Variants in RAB31 observed in about 807,000 individuals in gnomAD.
RAB31 encodes the protein ras-related protein Rab-31.
In RAB31, 21 loss-of-function variants were observed where a neutral mutation model predicts 25.6. The ratio of observed to expected loss-of-function variants is 0.82; its 90% CI spans 0.58 to 1.18. RAB31 has a LOEUF of 1.18. Among genes scored for constraint, RAB31 ranks in the 50% most tolerant of loss-of-function variants. The probability of loss-of-function intolerance (pLI) is 0.00; values close to 1 mark genes in which losing one functional copy is unlikely to be tolerated. For missense variants in RAB31, 196 were observed against 250.1 expected (o/e 0.78, Z 1.46); for synonymous variants, 87 against 84.0 (o/e 1.04, Z -0.20).
intron 1 of RAB31, chr18:9,726,215 T>A (rs190544385): frequency 6.6e-6 from 1 of 152,226 alleles, no homozygotes; most frequent in Non-Finnish European, 1.5e-5. Context: ...GCACTATAAA[T>A]TGGGTTCAGG....
chr18:9,804,987 T>C (rs1485056522), intron 3 of RAB31, among the ~76,000 whole-genome samples: 2 of 152,232 alleles, frequency 1.3e-5, no homozygotes, highest in African/African-American at 4.8e-5. Flanking sequence ...GAAATGGGTC[T>C]CATGCCTGTG....
chr18:9,724,951 T>C (rs548742133), intron 1 of RAB31, among the ~76,000 whole-genome samples: 8 of 152,336 alleles, frequency 5.3e-5, no homozygotes, highest in Admixed American at 6.5e-5. Context: ...TGGTTAGTTA[T>C]CTGAAGGCTT....
At chr18:9,842,659 C>T (rs1455922882) in intron 5 of RAB31, among the ~76,000 whole-genome samples, 1 of 152,182 alleles carries the variant, frequency 6.6e-6, no homozygotes, top group African/African-American at 2.4e-5. Context: ...CCCACCCCAA[C>T]TGCAGTGCAT....
chr18:9,858,275 A>C (rs914140180), intron 6 of RAB31, among the ~76,000 whole-genome samples: 1 of 152,238 alleles, frequency 6.6e-6, no homozygotes, highest in African/African-American at 2.4e-5. Flanking sequence ...CGACCATTAC[A>C]TCAAATTCAC....
rs1209862325 is a variant in RAB31, at chr18:9,815,198, A to G, written c.356A>G (p.Asn119Ser). ...PENIVMAIAG[N>S]KCDLSDIREV... ...AACATTGTAATGGCCATCGCTGGAA[A>G]CAAGTGCGACCTCTCAGATATTAGG... Residue 119 changes from asparagine to serine, a missense_variant, in exon 5 of 7, where the codon AAC becomes AGC. Physicochemically the swap from Asn to Ser is conservative, Grantham distance 46. Coordinates refer to ENST00000578921, the MANE Select transcript of RAB31 (RefSeq NM_006868.4). 1.9e-6 allele frequency: 3 copies of G among 1,553,322 alleles called. No individual in the cohort carries two copies. The highest frequency in any genetic ancestry group is 1.7e-4 in the Middle Eastern group (1 of 5,998).
chr18:9,812,505 A>C (rs2068578085), intron 3 of RAB31, among the ~76,000 whole-genome samples: 1 of 151,944 alleles, frequency 6.6e-6, no homozygotes, highest in Non-Finnish European at 1.5e-5. Flanking sequence ...ATCTTTTTAC[A>C]ATTTAATAAT....
intron 1 of RAB31, among the ~76,000 whole-genome samples, chr18:9,773,489 T>C (rs1251415442): frequency 5.3e-5 from 8 of 152,106 alleles, no homozygotes; most frequent in Admixed American, 1.3e-4. Flanking sequence ...CGGCGATCGG[T>C]GTTGATAAAG....
At chr18:9,805,584 C>A (rs1031066345) in intron 3 of RAB31, among the ~76,000 whole-genome samples, 10 of 152,266 alleles carry the variant, frequency 6.6e-5, no homozygotes, top group African/African-American at 2.4e-4. Flanking sequence ...CCTATTCCAC[C>A]TCCCATGTAA....
At chr18:9,802,462 C>T (rs1184683861) in intron 3 of RAB31, among the ~76,000 whole-genome samples, 1 of 152,128 alleles carries the variant, frequency 6.6e-6, no homozygotes, top group Non-Finnish European at 1.5e-5. Context: ...ATAGCTTGAG[C>T]CCAGGAGTTC....
At chr18:9,761,266 A>G (rs991076825) in intron 1 of RAB31, among the ~76,000 whole-genome samples, 1 of 152,192 alleles carries the variant, frequency 6.6e-6, no homozygotes, top group African/African-American at 2.4e-5. Context: ...TCATAATCCT[A>G]TAAAACTTTG....
At chr18:9,842,517 G>A (rs915269848) in intron 5 of RAB31, among the ~76,000 whole-genome samples, 3 of 152,166 alleles carry the variant, frequency 2.0e-5, no homozygotes, top group Non-Finnish European at 2.9e-5. Flanking sequence ...AGTAATGGGA[G>A]CATATTTTGG....
intron 2 of RAB31, among the ~76,000 whole-genome samples, chr18:9,783,895 A>G (rs2068418275): frequency 6.6e-6 from 1 of 152,206 alleles, no homozygotes. Context: ...ATTGAAAGAG[A>G]TTTGAAAGAT....
intron 3 of RAB31, among the ~76,000 whole-genome samples, chr18:9,812,206 A>G (rs2068575944): frequency 6.6e-6 from 1 of 152,212 alleles, no homozygotes; most frequent in South Asian, 2.1e-4. Context: ...GTTGGGAGTT[A>G]GGGTTTCAAT....
At chr18:9,793,506 C>T (rs776704606) in intron 3 of RAB31, among the ~76,000 whole-genome samples, 50 of 151,738 alleles carry the variant, frequency 3.3e-4, no homozygotes, top group Non-Finnish European at 4.1e-4. Flanking sequence ...ACTAAAAATA[C>T]AAAAAATTAG....
At chr18:9,741,796 T>C (rs1032851597) in intron 1 of RAB31, among the ~76,000 whole-genome samples, 1 of 152,190 alleles carries the variant, frequency 6.6e-6, no homozygotes, top group Non-Finnish European at 1.5e-5. Flanking sequence ...AGGGTGGAGA[T>C]TTCATTTGGA....
In RAB31 at chr18:9,814,118, A is replaced by G. The variant is rs766749015; in HGVS notation, c.273+27A>G. The G allele has an allele frequency of 2.7e-6, 4 of 1,484,512 alleles. No homozygotes were observed. The African/African-American group carries it at 4.2e-5, about 15-fold the overall frequency. 92.0% of individuals were successfully genotyped at this position (1,484,512 alleles called of 1,614,324 possible). A position where few individuals can be genotyped will look rare whatever the true frequency, so the allele number is the denominator to read the frequency against. On this transcript the variant is annotated intron_variant, in intron 4 of 6. Transcript: ENST00000578921. ...TAAGAATGTCTCCTTCAGAATTTAG[A>G]TGTCATTTATGGTGGTTCTCTCACT...
chr18:9,790,110 T>C (rs964349087), intron 2 of RAB31, among the ~76,000 whole-genome samples: 1 of 152,284 alleles, frequency 6.6e-6, no homozygotes, highest in South Asian at 2.1e-4. Flanking sequence ...GTCCATCTCC[T>C]AATAAGAACA....
chr18:9,808,958 GGAAT>G (rs1242527344), intron 3 of RAB31, among the ~76,000 whole-genome samples: 1 of 152,102 alleles, frequency 6.6e-6, no homozygotes, highest in Non-Finnish European at 1.5e-5. Context: ...CTGCATTTAA[GGAAT>G]GTTGCCTGAG....
At position 9,860,712 on chromosome 18, in the gene RAB31, A is replaced by C. The variant is rs2068842893; in HGVS notation, c.*1387A>C. 6.6e-6 allele frequency: 1 copy of C among 152,216 alleles called. No homozygotes were observed. Among genetic ancestry groups the C allele is most frequent in the African/African-American group, 2.4e-5 (1 of 41,456 alleles). The allele number at this position is 152,216 out of a possible 1,614,324, so 9.4% of individuals were successfully genotyped here. ...GAAATGGTTAATCATGCTGTGTGCT[A>C]GCCAGGGCCAGCTGGTACCTTCTTT... On this transcript the variant is annotated 3_prime_UTR_variant, in exon 7 of 7. Coordinates refer to ENST00000578921, the MANE Select transcript of RAB31 (RefSeq NM_006868.4).
Sources: gnomAD v4.1 joint callset for allele counts (sites outside exome capture counted in the v4.1 genomes callset) on GRCh38, gnomAD v4.1.1 for gene constraint, MANE v1.5 for transcripts, NCBI Gene and HGNC (gene_info 2026-07-23, HGNC 2026-07-21) for gene names.